Variants in MINPP1 observed in about 807,000 individuals in gnomAD.
MINPP1 encodes multiple inositol polyphosphate phosphatase 1.
In MINPP1, 28 loss-of-function variants were observed where a neutral mutation model predicts 46.1. That is an observed-to-expected ratio of 0.61 (90% CI 0.45 to 0.83). The LOEUF (loss-of-function observed/expected upper bound fraction) is 0.83. Ranked by LOEUF, MINPP1 falls within the 40% of genes least tolerant of loss-of-function variation. MINPP1 has a pLI of 0.00. For synonymous variants in MINPP1, 268 were observed against 249.1 expected, an observed-to-expected ratio of 1.08 and a Z score of -0.72; for missense variants, 603 against 610.0, an observed-to-expected ratio of 0.99 and a Z score of 0.12.
intron 4 of MINPP1, among the ~76,000 whole-genome samples, chr10:87,522,624 AT>A (rs1851519126): frequency 6.6e-6 from 1 of 152,232 alleles, no homozygotes; most frequent in Non-Finnish European, 1.5e-5. Flanking sequence ...TTACTAGGAA[AT>A]GCCCATGATC....
chr10:87,551,186 G>A (rs956900588), intron 4 of MINPP1, among the ~76,000 whole-genome samples: 18 of 151,912 alleles, frequency 1.2e-4, no homozygotes, highest in African/African-American at 4.4e-4. Flanking sequence ...TGCTGTGTTT[G>A]TGTGTGTTGG....
At chr10:87,520,316 T>C (rs1851481918) in intron 3 of MINPP1, among the ~76,000 whole-genome samples, 1 of 152,146 alleles carries the variant, frequency 6.6e-6, no homozygotes, top group Non-Finnish European at 1.5e-5. Flanking sequence ...CTATAAGTCA[T>C]TCTTGTACAT....
In MINPP1 at chr10:87,505,765, TC is replaced by T. The variant is rs1851238567; in HGVS notation, c.637+214del. ...CTTACACGTATGTTCATTTATTAAT[TC>T]ATCAGGTGTAAATTCAGCACCTTGT... is the stretch of plus-strand genomic sequence containing the variant. On this transcript the variant is annotated intron_variant, in intron 1 of 4. Coordinates refer to ENST00000371996, the MANE Select transcript of MINPP1 (RefSeq NM_004897.5). The surrounding 1 kb of genome is among the most constrained non-coding windows in gnomAD (Gnocchi z 4.4). 2.0e-5 allele frequency among the ~76,000 whole-genome samples: 3 copies of T among 152,194 alleles called. No individual in the cohort carries two copies. In the South Asian group the frequency reaches 6.2e-4, roughly 31 times the overall value.
Position 87,552,356 on chromosome 10 carries a change from T to A in MINPP1, c.1342T>A (p.Ser448Thr). 1.2e-6 allele frequency: 2 copies of A among 1,613,736 alleles called. No homozygotes were observed. Among genetic ancestry groups the A allele is most frequent in the Non-Finnish European group, 1.7e-6 (2 of 1,179,782 alleles). ...LNEKVLPLAY[S>T]QETVSFYEDL... ...TGAAAAGGTGTTACCTTTGGCTTAC[T>A]CACAAGAAACTGTTTCATTTTATGA... Residue 448 changes from serine (S) to threonine (T), a missense_variant, in exon 5 of 5, where the codon TCA (serine) becomes ACA (threonine). Ser to Thr is a moderately conservative substitution (Grantham distance 58, BLOSUM62 1). Around this residue, in one of 3 missense-constraint regions of MINPP1, gnomAD observed 344 missense variants for 381.1 expected, o/e 0.90. Coordinates refer to ENST00000371996, the MANE Select transcript of MINPP1 (RefSeq NM_004897.5).
chr10:87,505,570 C>G lies in MINPP1; in HGVS notation c.637+18C>G, dbSNP rs370984163. On this transcript the variant is annotated intron_variant, in intron 1 of 4. Transcript: ENST00000371996. The surrounding 1 kb of genome is among the most constrained non-coding windows in gnomAD (Gnocchi z 4.4). ...CGTCGCAGGTGACCCCCCGGGCGGC[C>G]CGTGTGCTGTCCCGGTCCTCCCACC... The G allele has an allele frequency of 6.3e-7, 1 of 1,591,138 alleles. No individual in the cohort carries two copies.
rs181762454 is a variant in MINPP1, at chr10:87,550,487, A to G, written c.1068-1595A>G. 3.1e-3 allele frequency among the ~76,000 whole-genome samples: 473 copies of G among 152,288 alleles called. 4 individuals carry two copies. The highest frequency in any genetic ancestry group is 0.016 in the East Asian group (81 of 5,184). On this transcript the variant is annotated intron_variant, in intron 4 of 4. Transcript: ENST00000371996. ...TTTAGTTTGTTTTGAAATACTGTTA[A>G]CAGTTTCAGTGTACTTTTTGAGTAT... is the stretch of plus-strand genomic sequence containing the variant.
rs755965315 is a variant in MINPP1, at chr10:87,504,951, C to T, written c.36C>T (p.Ser12=). ...CGCCCGGCTGCCTCCTCCGGACCTC[C>T]GTAGCGCCTGCCGCGGCCCTGGCTG... ...LRAPGCLLRT[S]VAPAAALAAA... is the part of the protein sequence containing the mutation. Residue 12 remains serine, a synonymous_variant, in exon 1 of 5, where the codon TCC becomes TCT. Transcript: ENST00000371996. The T allele has an allele frequency of 7.6e-5, 123 of 1,611,604 alleles. No homozygotes were observed. The highest frequency in any genetic ancestry group is 2.1e-4 in the African/African-American group (16 of 74,914).
chr10:87,525,896 T>G (rs1379764348), intron 4 of MINPP1, among the ~76,000 whole-genome samples: 1 of 152,272 alleles, frequency 6.6e-6, no homozygotes, highest in African/African-American at 2.4e-5. Context: ...CATCCTTTTT[T>G]ATGGCTGCAT....
intron 4 of MINPP1, among the ~76,000 whole-genome samples, chr10:87,531,393 C>A (rs1001451908): frequency 6.6e-6 from 1 of 152,204 alleles, no homozygotes; most frequent in Non-Finnish European, 1.5e-5. Flanking sequence ...GGGAAAAATG[C>A]AACTAATTGA....
chr10:87,551,177 G>C lies in MINPP1; in HGVS notation c.1068-905G>C, dbSNP rs74151907. Among the ~76,000 whole-genome samples, 620 of 151,982 alleles carry C rather than the reference G, an allele frequency of 4.1e-3. 4 individuals are homozygous for C. Among genetic ancestry groups the C allele is most frequent in the African/African-American group, 0.014 (595 of 41,466 alleles). ...GGGTTTTTGGATTTGCTATCTGCTT[G>C]CTGTGTTTGTGTGTGTTGGGGGCAG... On this transcript the variant is annotated intron_variant, in intron 4 of 4. Coordinates refer to ENST00000371996, the MANE Select transcript of MINPP1 (RefSeq NM_004897.5).
intron 2 of MINPP1, among the ~76,000 whole-genome samples, chr10:87,510,980 AT>A (rs1312117687): frequency 6.6e-6 from 1 of 152,120 alleles, no homozygotes; most frequent in Non-Finnish European, 1.5e-5. Context: ...ATTTTCGCCA[AT>A]TTGATTAATG....
At chr10:87,546,951 A>T (rs1165457712) in intron 4 of MINPP1, among the ~76,000 whole-genome samples, 2 of 151,980 alleles carry the variant, frequency 1.3e-5, no homozygotes, top group Admixed American at 6.6e-5. Flanking sequence ...ACAAGGAAAA[A>T]AATATCATTT....
chr10:87,549,324 CAATTT>C (rs1851930731), intron 4 of MINPP1, among the ~76,000 whole-genome samples: 1 of 152,158 alleles, frequency 6.6e-6, no homozygotes, highest in African/African-American at 2.4e-5. Context: ...TTCCTTCCCC[CAATTT>C]ATAGTTTTCA....
At chr10:87,508,308 A>G (rs534346216) in intron 1 of MINPP1, 28 bp from the exon 2 acceptor site, 1 of 1,607,716 alleles carries the variant, frequency 6.2e-7, no homozygotes, top group African/African-American at 1.3e-5. Context: ...GTGATTTACA[A>G]ATACATATAA....
At chr10:87,523,495 C>A (rs1162620990) in intron 4 of MINPP1, among the ~76,000 whole-genome samples, 1 of 145,242 alleles carries the variant, frequency 6.9e-6, no homozygotes, top group Non-Finnish European at 1.5e-5. Context: ...GGACTACAGG[C>A]ACCTGCCACC....
At chr10:87,525,962 A>G (rs1035105527) in intron 4 of MINPP1, among the ~76,000 whole-genome samples, 7 of 152,194 alleles carry the variant, frequency 4.6e-5, no homozygotes, top group African/African-American at 1.4e-4. Context: ...TCATTGATGG[A>G]CATGTGGGTT....
chr10:87,530,400 G>A (rs1206038281), intron 4 of MINPP1, among the ~76,000 whole-genome samples: 2 of 152,138 alleles, frequency 1.3e-5, no homozygotes, highest in East Asian at 3.8e-4. Flanking sequence ...TGGTGTGGAT[G>A]TCCTTTCTGT....
In MINPP1 at chr10:87,505,462, T is replaced by C. The variant is rs1254800361; in HGVS notation, c.547T>C (p.Ser183Pro). 3 of 1,613,064 alleles carry C rather than the reference T, an allele frequency of 1.9e-6. No homozygotes were observed. Among genetic ancestry groups the C allele is most frequent in the Non-Finnish European group, 8.5e-7 (1 of 1,179,580 alleles). Residue 183 changes from serine (S) to proline (P), a missense_variant, in exon 1 of 5, where the codon TCC (serine) becomes CCC (proline). Around this residue, in one of 3 missense-constraint regions of MINPP1, gnomAD observed 344 missense variants for 381.1 expected, o/e 0.90. Coordinates refer to ENST00000371996, the MANE Select transcript of MINPP1 (RefSeq NM_004897.5). The surrounding 1 kb of genome is among the most constrained non-coding windows in gnomAD (Gnocchi z 4.4). ...NYGRLRLITS[S>P]KHRCMDSSAA... is the part of the protein sequence containing the mutation. ...CGGCCGCCTGCGGCTCATCACCAGTTCCAAGCACCGCTGCATGGATAGCAG... is the reference window on the plus strand; with the variant it reads ...CGGCCGCCTGCGGCTCATCACCAGTCCCAAGCACCGCTGCATGGATAGCAG...
At chr10:87,544,222 A>T (rs1851856744) in intron 4 of MINPP1, among the ~76,000 whole-genome samples, 1 of 152,188 alleles carries the variant, frequency 6.6e-6, no homozygotes, top group African/African-American at 2.4e-5. Flanking sequence ...GCTCAGGAAA[A>T]CATGTTTACC....
Sources: allele counts gnomAD v4.1 joint callset (sites outside exome capture counted in the v4.1 genomes callset), GRCh38; gene constraint gnomAD v4.1.1; regional missense constraint gnomAD v4.1.1; non-coding constraint Gnocchi (gnomAD v3.1); transcripts MANE v1.5; gene names NCBI Gene and HGNC (gene_info 2026-07-23, HGNC 2026-07-21).